PLCE1: variants seen among roughly 807,000 people sequenced by gnomAD.
PLCE1 encodes 1-phosphatidylinositol 4,5-bisphosphate phosphodiesterase epsilon-1.
A neutral mutation model predicts 242.8 loss-of-function variants in PLCE1; 119 were observed. The ratio of observed to expected loss-of-function variants is 0.49; its 90% CI spans 0.42 to 0.57. PLCE1 has a LOEUF of 0.57. PLCE1 is among the 20% of genes least tolerant of loss of function. The pLI, the probability that PLCE1 is intolerant of heterozygous loss-of-function variation, is 0.00. For missense variants in PLCE1, 2,441 were observed against 2,788.8 expected, an observed-to-expected ratio of 0.88 and a Z score of 2.81; for synonymous variants, 945 against 1,017.4, an observed-to-expected ratio of 0.93 and a Z score of 1.35.
intron 4 of PLCE1, among the ~76,000 whole-genome samples, chr10:94,197,435 C>T (rs1308743049): frequency 6.6e-6 from 1 of 152,180 alleles, no homozygotes. Flanking sequence ...CACCATTTGA[C>T]ATTCCCACCA....
At chr10:94,279,999 A>G in intron 20 of PLCE1, 88 bp downstream of exon 20, 2 of 1,316,620 alleles carry the variant, frequency 1.5e-6, no homozygotes, top group East Asian at 2.3e-5. Flanking sequence ...CTAGAGCGCC[A>G]AAGACCAGTA....
At chr10:94,179,635 A>G (rs1187042134) in intron 4 of PLCE1, among the ~76,000 whole-genome samples, 1 of 148,670 alleles carries the variant, frequency 6.7e-6, no homozygotes, top group Non-Finnish European at 1.5e-5. Context: ...CCTCCCAAAT[A>G]GTTGGGACTA....
intron 4 of PLCE1, among the ~76,000 whole-genome samples, chr10:94,222,032 G>C (rs896015207): frequency 3.3e-5 from 5 of 152,184 alleles, no homozygotes; most frequent in Non-Finnish European, 7.4e-5. Flanking sequence ...CGGCCTCCTG[G>C]GACTCTGGAT....
intron 4 of PLCE1, among the ~76,000 whole-genome samples, chr10:94,223,122 G>A (rs1033934856): frequency 7.3e-5 from 11 of 151,394 alleles, no homozygotes; most frequent in African/African-American, 1.5e-4. Flanking sequence ...ATGCCAGGCC[G>A]TGTGTGGTGG....
chr10:94,259,511 C>T (rs559802281), intron 13 of PLCE1, among the ~76,000 whole-genome samples: 4 of 152,132 alleles, frequency 2.6e-5, no homozygotes, highest in Non-Finnish European at 5.9e-5. Flanking sequence ...GTCTCGATCT[C>T]CTGACCTCGT....
intron 4 of PLCE1, among the ~76,000 whole-genome samples, chr10:94,215,841 T>C (rs1378185060): frequency 6.6e-6 from 1 of 152,134 alleles, no homozygotes; most frequent in Non-Finnish European, 1.5e-5. Flanking sequence ...GAGAATCAGC[T>C]GAACCCAGGA....
In PLCE1 at chr10:94,298,503, C is replaced by G; in HGVS notation, c.5292C>G (p.Ala1764=). The change falls in exon 24 of 33, where the codon GCC becomes GCG. Residue 1764 remains alanine (A), a synonymous_variant. Coordinates refer to ENST00000371380, the MANE Select transcript of PLCE1 (RefSeq NM_016341.4). This position sits in a 1 kb window ranked among gnomAD's most constrained non-coding sequence, Gnocchi z 5.2. ...ATATCTCGTCGCTGAATGAAAATGC[C>G]GCCAAACGTCTGTGTCGCAGGTATT... ...CYHISSLNEN[A]AKRLCRRYSQ... is the part of the protein sequence containing the mutation. 1.2e-6 allele frequency: 2 copies of G among 1,614,000 alleles called. No individual in the cohort carries two copies. Among genetic ancestry groups the G allele is most frequent in the Non-Finnish European group, 1.7e-6 (2 of 1,179,984 alleles).
intron 3 of PLCE1, among the ~76,000 whole-genome samples, chr10:94,168,964 G>A (rs976178750): frequency 6.6e-6 from 1 of 152,094 alleles, no homozygotes; most frequent in African/African-American, 2.4e-5. Flanking sequence ...TGGAGGGGGA[G>A]GCCATCTAGG....
chr10:94,232,753 G>A (rs2050188161), intron 5 of PLCE1, among the ~76,000 whole-genome samples: 1 of 152,106 alleles, frequency 6.6e-6, no homozygotes, highest in Admixed American at 6.6e-5. Context: ...CCACCTCTTT[G>A]CACAGTATCC....
chr10:94,235,723 T>G, intron 6 of PLCE1, 192 bp from the exon 7 acceptor site: 1 of 984,196 alleles, frequency 1.0e-6, no homozygotes, highest in Non-Finnish European at 1.2e-6. Flanking sequence ...GTTGTCTCAG[T>G]GGAAACAAGG....
chr10:94,179,512 G>GTTTTTTTTTGTTTTTTT (rs750384818), intron 4 of PLCE1, among the ~76,000 whole-genome samples: 2 of 19,400 alleles, frequency 1.0e-4, no homozygotes, highest in African/African-American at 3.2e-4. Flanking sequence ...TTTTAGTTTA[G>GTTTTTTTTTGTTTTTTT]TTTTTTTTTT....
In PLCE1 at chr10:94,321,192, C is replaced by T. The variant is rs140659474; in HGVS notation, c.6343-709C>T. 9.4e-3 allele frequency among the ~76,000 whole-genome samples: 1,435 copies of T among 152,312 alleles called. 66 individuals are homozygous for T. Among genetic ancestry groups the T allele is most frequent in the Admixed American group, 0.084 (1,278 of 15,288 alleles). ...ATTTCATGGTTTATATTTCAGATGT[C>T]TAGCATTTCTTAAATGCTCAACGTC... On this transcript the variant is annotated intron_variant, in intron 29 of 32. Transcript: ENST00000371380.
At chr10:94,006,899 G>A (rs1335375862) in intron 1 of PLCE1, among the ~76,000 whole-genome samples, 2 of 152,226 alleles carry the variant, frequency 1.3e-5, no homozygotes, top group African/African-American at 4.8e-5. Flanking sequence ...TAAGAGCAGG[G>A]AGACCACTGA....
At chr10:94,019,598 C>T (rs2061341662) in intron 1 of PLCE1, among the ~76,000 whole-genome samples, 2 of 152,248 alleles carry the variant, frequency 1.3e-5, no homozygotes, top group African/African-American at 4.8e-5. Flanking sequence ...CTCCGCTGTC[C>T]AATATGTTTG....
intron 11 of PLCE1, among the ~76,000 whole-genome samples, chr10:94,257,469 A>T (rs559861957): frequency 5.3e-5 from 8 of 152,180 alleles, no homozygotes; most frequent in Non-Finnish European, 7.3e-5. Context: ...ACACATGTAC[A>T]CGTATGTTTA....
intron 1 of PLCE1, among the ~76,000 whole-genome samples, chr10:94,001,969 G>A (rs1269337755): frequency 1.3e-5 from 2 of 152,120 alleles, no homozygotes; most frequent in South Asian, 4.1e-4. Context: ...GTTAACTGTC[G>A]GGGTCTGAGT....
intron 22 of PLCE1, among the ~76,000 whole-genome samples, chr10:94,288,143 T>C (rs1223475968): frequency 6.6e-6 from 1 of 152,176 alleles, no homozygotes; most frequent in African/African-American, 2.4e-5. Context: ...ATGAATTGTA[T>C]AGTGATGAAG....
chr10:94,243,112 A>G (rs1016986467), intron 7 of PLCE1, among the ~76,000 whole-genome samples: 1 of 152,236 alleles, frequency 6.6e-6, no homozygotes, highest in Admixed American at 6.5e-5. Context: ...ACAGTGGCAC[A>G]TGACACACAG....
intron 16 of PLCE1, among the ~76,000 whole-genome samples, chr10:94,267,703 G>A (rs886324275): frequency 3.9e-5 from 6 of 151,962 alleles, no homozygotes; most frequent in African/African-American, 7.3e-5. Flanking sequence ...GTCTGGCAGG[G>A]GCACCACAGA....
Sources: allele counts gnomAD v4.1 joint callset (sites outside exome capture counted in the v4.1 genomes callset), GRCh38; gene constraint gnomAD v4.1.1; non-coding constraint Gnocchi (gnomAD v3.1); transcripts MANE v1.5; gene names NCBI Gene and HGNC (gene_info 2026-07-23, HGNC 2026-07-21).